The following MTREX variants were observed in gnomAD, a reference collection of about 807,000 sequenced individuals.
MTREX encodes the protein Mtr4 exosome RNA helicase.
In MTREX, 76 loss-of-function variants were observed where a neutral mutation model predicts 135.4. The observed-to-expected ratio is 0.56, with a 90% CI of 0.47 to 0.68. MTREX has a LOEUF of 0.68. Among genes scored for constraint, MTREX ranks in the 30% least tolerant of loss-of-function variants. The pLI is 0.00. For missense variants in MTREX, 920 were observed against 1,262.1 expected (o/e 0.73, Z 4.11); for synonymous variants, 404 against 401.6 (o/e 1.01, Z -0.07).
At chr5:55,400,162 A>T in intron 20 of MTREX, 71 bp from the exon 21 acceptor site, 1 of 1,176,706 alleles carries the variant, frequency 8.5e-7, no homozygotes, top group Non-Finnish European at 1.2e-6. Context: ...AAAAAAAGGG[A>T]AACACTGATT....
chr5:55,414,802 A>G (rs965190947), intron 24 of MTREX, among the ~76,000 whole-genome samples: 5 of 152,018 alleles, frequency 3.3e-5, no homozygotes, highest in African/African-American at 1.2e-4. Context: ...GGCACCCGCC[A>G]CCACACTCAG....
chr5:55,318,817 G>A (rs1016700255), intron 1 of MTREX, among the ~76,000 whole-genome samples: 1 of 151,988 alleles, frequency 6.6e-6, no homozygotes, highest in Non-Finnish European at 1.5e-5. Flanking sequence ...TTCTCTAGGC[G>A]AGATACAATG....
At chr5:55,369,140 A>C (rs1369400708) in intron 16 of MTREX, among the ~76,000 whole-genome samples, 1 of 151,870 alleles carries the variant, frequency 6.6e-6, no homozygotes, top group Non-Finnish European at 1.5e-5. Flanking sequence ...ATTAAAAATA[A>C]AAATAATAAA....
At chr5:55,403,128 G>A (rs1239302879) in intron 21 of MTREX, among the ~76,000 whole-genome samples, 1 of 151,846 alleles carries the variant, frequency 6.6e-6, no homozygotes. Flanking sequence ...TTAAGCCAAG[G>A]AGGTTGAGGC....
chr5:55,322,753 G>A (rs1476894993), intron 2 of MTREX, among the ~76,000 whole-genome samples: 1 of 152,174 alleles, frequency 6.6e-6, no homozygotes, highest in African/African-American at 2.4e-5. Context: ...TAATGCCTCA[G>A]GAGGAGGATA....
chr5:55,421,107 G>C (rs1561215080), intron 25 of MTREX, among the ~76,000 whole-genome samples: 4 of 152,118 alleles, frequency 2.6e-5, no homozygotes, highest in Non-Finnish European at 5.9e-5. Flanking sequence ...TTTCGGTTTT[G>C]GTCAGCTTCA....
chr5:55,379,217 A>T, intron 18 of MTREX, 22 bp downstream of exon 18: 1 of 1,347,792 alleles, frequency 7.4e-7, no homozygotes, highest in Non-Finnish European at 1.1e-6. Flanking sequence ...TCTTTAAATT[A>T]GAATTGTATA....
At chr5:55,327,905 T>C in intron 4 of MTREX, 127 bp downstream of exon 4, 1 of 609,784 alleles carries the variant, frequency 1.6e-6, no homozygotes, top group Non-Finnish European at 2.9e-6. Flanking sequence ...ACAAGCCAAC[T>C]AAAGACAAAT....
At chr5:55,387,309 T>A (rs1033027646) in intron 18 of MTREX, among the ~76,000 whole-genome samples, 6 of 152,142 alleles carry the variant, frequency 3.9e-5, no homozygotes, top group African/African-American at 9.6e-5. Flanking sequence ...GATTTTCACT[T>A]TTTTAATAGG....
At position 55,308,036 on chromosome 5, in the gene MTREX, A is replaced by G. The variant is rs1343541940; in HGVS notation, c.23A>G (p.Glu8Gly). The G allele has an allele frequency of 6.2e-7, 1 of 1,614,118 alleles. No homozygotes were observed. Among genetic ancestry groups the G allele is most frequent in the African/African-American group, 1.3e-5 (1 of 75,010 alleles). MADAFGD[E>G]LFSVFEGDST... Reference sequence around the variant, plus strand: ...AAAATGGCGGACGCATTCGGAGATGAGCTGTTCAGCGTGTTCGAGGGCGAC... The same window carrying G: ...AAAATGGCGGACGCATTCGGAGATGGGCTGTTCAGCGTGTTCGAGGGCGAC... The change falls in exon 1 of 27, where the codon GAG becomes GGG. Residue 8 changes from glutamate (E) to glycine (G), a missense_variant. By Grantham distance (98) the Glu-to-Gly change is moderately conservative. This residue lies in a region of MTREX where 136 missense variants were observed against 126.7 expected (regional missense o/e 1.07). Transcript: ENST00000230640.
At chr5:55,321,176 A>G (rs1363939357) in intron 1 of MTREX, among the ~76,000 whole-genome samples, 2 of 152,196 alleles carry the variant, frequency 1.3e-5, no homozygotes, top group Non-Finnish European at 1.5e-5. Flanking sequence ...GCAAATATCA[A>G]TAGATACAAC....
intron 3 of MTREX, among the ~76,000 whole-genome samples, chr5:55,327,034 CT>C (rs1353596921): frequency 1.3e-5 from 2 of 152,202 alleles, no homozygotes; most frequent in Non-Finnish European, 2.9e-5. Flanking sequence ...AACTCATCAA[CT>C]TTTATGGCTG....
chr5:55,354,310 A>C (rs1749875402), intron 14 of MTREX, among the ~76,000 whole-genome samples: 1 of 152,230 alleles, frequency 6.6e-6, no homozygotes, highest in Admixed American at 6.5e-5. Flanking sequence ...AGTCCTTAAA[A>C]TAAGTAACAG....
chr5:55,414,945 C>A (rs1400823947), intron 24 of MTREX, among the ~76,000 whole-genome samples: 1 of 152,130 alleles, frequency 6.6e-6, no homozygotes, highest in Non-Finnish European at 1.5e-5. Context: ...CCACTGTGCC[C>A]AGCCTATAAC....
intron 16 of MTREX, among the ~76,000 whole-genome samples, chr5:55,367,241 C>CTT (rs1340132304): frequency 1.3e-5 from 2 of 152,118 alleles, no homozygotes; most frequent in East Asian, 3.9e-4. Context: ...AATCCTAGCA[C>CTT]TTTGGGAGGC....
chr5:55,402,063 A>G (rs1222272880), intron 21 of MTREX, among the ~76,000 whole-genome samples: 1 of 152,232 alleles, frequency 6.6e-6, no homozygotes. Flanking sequence ...TATTGGATAA[A>G]TACATGAGTA....
intron 2 of MTREX, among the ~76,000 whole-genome samples, chr5:55,323,302 A>G (rs1008828517): frequency 6.6e-6 from 1 of 152,228 alleles, no homozygotes; most frequent in Non-Finnish European, 1.5e-5. Flanking sequence ...CAGAAGTACG[A>G]TAAGTAAGAT....
intron 1 of MTREX, among the ~76,000 whole-genome samples, chr5:55,318,519 A>T (rs943962556): frequency 8.5e-5 from 13 of 152,250 alleles, no homozygotes; most frequent in African/African-American, 3.1e-4. Context: ...TAATGCAGGA[A>T]CAGAAAACCA....
At chr5:55,415,821 C>T in intron 24 of MTREX, 149 bp from the exon 25 acceptor site, 1 of 518,942 alleles carries the variant, frequency 1.9e-6, no homozygotes, top group Non-Finnish European at 3.4e-6. Context: ...GGAACAGGCA[C>T]TGTGCCTACT....
Sources: gnomAD v4.1 joint callset for allele counts (sites outside exome capture counted in the v4.1 genomes callset) on GRCh38, gnomAD v4.1.1 for gene constraint, gnomAD v4.1.1 regional missense constraint, MANE v1.5 for transcripts, NCBI Gene and HGNC (gene_info 2026-07-23, HGNC 2026-07-21) for gene names.